ACO1: variants seen among roughly 807,000 people sequenced by gnomAD.
ACO1 encodes aconitase 1.
A neutral mutation model predicts 105.1 loss-of-function variants in ACO1; 78 were observed. That is an observed-to-expected ratio of 0.74 (90% CI 0.62 to 0.90). ACO1 has a LOEUF of 0.90. Ranked by LOEUF, ACO1 falls within the 40% of genes least tolerant of loss-of-function variation. The pLI, the probability that ACO1 is intolerant of heterozygous loss-of-function variation, is 0.00. For synonymous variants in ACO1, 364 were observed against 397.4 expected (o/e 0.92, Z 1.00); for missense variants, 965 against 1,111.1 (o/e 0.87, Z 1.87).
chr9:32,398,328 A>G (rs1232580510), intron 1 of ACO1, among the ~76,000 whole-genome samples: 1 of 152,208 alleles, frequency 6.6e-6, no homozygotes, highest in Non-Finnish European at 1.5e-5. Flanking sequence ...CGACTGTTCC[A>G]AACATCTCTA....
intron 2 of ACO1, among the ~76,000 whole-genome samples, chr9:32,406,695 T>C (rs1292298288): frequency 6.6e-6 from 1 of 152,230 alleles, no homozygotes; most frequent in African/African-American, 2.4e-5. Flanking sequence ...AGGGAAACTG[T>C]CTGTTGTTGG....
At chr9:32,427,265 G>C in intron 11 of ACO1, 36 bp from the exon 12 acceptor site, 1 of 1,585,284 alleles carries the variant, frequency 6.3e-7, no homozygotes, top group South Asian at 1.1e-5. Context: ...AGAGCAGGCA[G>C]CCTCCCACAC....
chr9:32,438,644 C>T (rs1290416396), intron 18 of ACO1, among the ~76,000 whole-genome samples: 5 of 151,928 alleles, frequency 3.3e-5, no homozygotes, highest in Non-Finnish European at 7.4e-5. Flanking sequence ...TAGTAATTTT[C>T]AAAAAAATTC....
chr9:32,394,030 C>T (rs1821320444), intron 1 of ACO1, among the ~76,000 whole-genome samples: 1 of 152,178 alleles, frequency 6.6e-6, no homozygotes, highest in Admixed American at 6.5e-5. Context: ...AAAATTCAAA[C>T]TTTGCAGCAA....
chr9:32,450,105 C>T lies in ACO1; in HGVS notation c.2664C>T (p.Ala888=). The change falls in exon 21 of 21, where the codon GCC becomes GCT. Residue 888 remains alanine (A), a synonymous_variant. Transcript: ENST00000309951. ...TCAACTACATGATCCGCAAGATGGC[C>T]AAGTAGGAGACGTGCACTTGGTGCT... is the stretch of plus-strand genomic sequence containing the variant. ...GILNYMIRKM[A]K 3 of 1,612,528 alleles carry T rather than the reference C, an allele frequency of 1.9e-6. No individual in the cohort carries two copies. The highest frequency in any genetic ancestry group is 1.1e-5 in the South Asian group (1 of 91,034).
chr9:32,418,762 G>A (rs1301060872), intron 6 of ACO1, among the ~76,000 whole-genome samples: 1 of 152,134 alleles, frequency 6.6e-6, no homozygotes, highest in Non-Finnish European at 1.5e-5. Flanking sequence ...CACCTGGGGT[G>A]TTAAAAATAG....
At chr9:32,447,068 A>G (rs1822629693) in intron 19 of ACO1, among the ~76,000 whole-genome samples, 2 of 151,672 alleles carry the variant, frequency 1.3e-5, no homozygotes, top group Admixed American at 1.3e-4. Flanking sequence ...CTTGTTGAGT[A>G]TCTTTGTGGT....
At chr9:32,414,535 A>G (rs1649750193) in intron 4 of ACO1, among the ~76,000 whole-genome samples, 1 of 152,224 alleles carries the variant, frequency 6.6e-6, no homozygotes, top group Non-Finnish European at 1.5e-5. Flanking sequence ...CAGTCTAAGC[A>G]TTTCTGGCTT....
rs1455440553 is a variant in ACO1 at position 32,384,677 on chromosome 9, C to T, written c.-81C>T. The T allele has an allele frequency of 4.9e-6, 2 of 407,036 alleles. No homozygotes were observed. The highest frequency in any genetic ancestry group is 1.7e-5 in the South Asian group (1 of 59,710). 25.2% of individuals were successfully genotyped at this position (407,036 alleles called of 1,614,324 possible). On this transcript the variant is annotated 5_prime_UTR_variant, in exon 1 of 21. In the 5' UTR this introduces an upstream ATG that the reference lacks. Coordinates refer to ENST00000309951, the MANE Select transcript of ACO1 (RefSeq NM_002197.3). ...GCTGGAACCGCGCAGCGCACGGGAA[C>T]GCGTCCCGCTGCTTGGGTCAGGTTC... is the stretch of plus-strand genomic sequence containing the variant.
intron 1 of ACO1, among the ~76,000 whole-genome samples, chr9:32,397,922 C>T (rs10813808): frequency 0.26 from 39,033 of 152,080 alleles, 5,373 homozygotes; most frequent in East Asian, 0.46. Flanking sequence ...GTACTTTAGA[C>T]CATAGAGAGA....
chr9:32,401,567 G>A (rs753639314), intron 1 of ACO1, among the ~76,000 whole-genome samples: 1 of 152,154 alleles, frequency 6.6e-6, no homozygotes, highest in Admixed American at 6.5e-5. Flanking sequence ...GGTGTCCCTA[G>A]GGAATGGTGA....
At chr9:32,448,793 C>G (rs1244176966) in intron 19 of ACO1, 103 bp from the exon 20 acceptor site, 9 of 1,215,904 alleles carry the variant, frequency 7.4e-6, no homozygotes, top group Non-Finnish European at 9.7e-6. Context: ...TGGAGCTGTT[C>G]CTATTCGGCC....
intron 11 of ACO1, 24 bp downstream of exon 11, chr9:32,426,021 C>G: frequency 6.2e-7 from 1 of 1,608,186 alleles, no homozygotes; most frequent in Non-Finnish European, 8.5e-7. Context: ...ACTCCATCCT[C>G]ATGGTCATAC....
In ACO1 at chr9:32,421,850, A is replaced by C. The variant is rs545502343; in HGVS notation, c.970+823A>C. On this transcript the variant is annotated intron_variant, in intron 8 of 20. Coordinates refer to ENST00000309951, the MANE Select transcript of ACO1 (RefSeq NM_002197.3). ...CAGAGGTGCTTGCACAGATCTCTGG[A>C]TGAAGTGAAGGGACAGCCATGGGAA... Among the ~76,000 whole-genome samples the C allele has an allele frequency of 2.0e-5, 3 of 152,380 alleles. No individual in the cohort carries two copies. The South Asian group carries it at 6.2e-4, about 32-fold the overall frequency.
intron 1 of ACO1, among the ~76,000 whole-genome samples, chr9:32,390,913 C>T (rs186976107): frequency 6.6e-6 from 1 of 152,184 alleles, no homozygotes; most frequent in Non-Finnish European, 1.5e-5. Context: ...CACCTCCCCC[C>T]ACCAGGCGAA....
chr9:32,436,321 T>C lies in ACO1; in HGVS notation c.2171T>C (p.Phe724Ser). ...GACGCCGTCATGGCACGGGGAACAT[T>C]TGCCAACATTCGCTTGTTAAACAGA... ...GNDAVMARGT[F>S]ANIRLLNRFL... Residue 724 changes from phenylalanine to serine, a missense_variant, in exon 18 of 21, where the codon TTT becomes TCT. Coordinates refer to ENST00000309951, the MANE Select transcript of ACO1 (RefSeq NM_002197.3). 6.2e-7 allele frequency: 1 copy of C among 1,614,202 alleles called. No homozygotes were observed. Among genetic ancestry groups the C allele is most frequent in the Non-Finnish European group, 8.5e-7 (1 of 1,180,020 alleles).
Position 32,429,523 on chromosome 9 carries a change from C to T in ACO1, c.1569+20C>T, listed in dbSNP as rs73477332. 1,879 of 1,601,560 alleles carry T rather than the reference C, an allele frequency of 1.2e-3. 26 individuals are homozygous for T. In the African/African-American group the frequency reaches 0.022, roughly 19 times the overall value. On this transcript the variant is annotated intron_variant, in intron 13 of 20. Transcript: ENST00000309951. ...ACACAGGTAATTGCAGAGGTCCCTG[C>T]AGGTCTTCAGAGCAGTTGTTTCTTT...
chr9:32,449,938 C>T, intron 20 of ACO1, 60 bp from the exon 21 acceptor site: 2 of 1,406,400 alleles, frequency 1.4e-6, no homozygotes, highest in African/African-American at 1.4e-5. Flanking sequence ...GCAGAATTTC[C>T]TCCGAGCAGA....
chr9:32,422,496 T>C (rs1034307139), intron 8 of ACO1, among the ~76,000 whole-genome samples: 1 of 152,168 alleles, frequency 6.6e-6, no homozygotes, highest in African/African-American at 2.4e-5. Context: ...TGATCAGTGG[T>C]AGGATCAGCC....
Sources: gnomAD v4.1 joint callset for allele counts (sites outside exome capture counted in the v4.1 genomes callset) on GRCh38, gnomAD v4.1.1 for gene constraint, MANE v1.5 for transcripts, NCBI Gene and HGNC (gene_info 2026-07-23, HGNC 2026-07-21) for gene names.